FMN1: variants seen among roughly 807,000 people sequenced by gnomAD.
FMN1 encodes formin 1, also known as formin-1.
Under a neutral mutation model 132.4 loss-of-function variants are expected in FMN1, and 110 were observed. The ratio of observed to expected loss-of-function variants is 0.83; its 90% CI spans 0.71 to 0.97. The LOEUF is 0.97. Ranked by LOEUF, FMN1 falls within the 50% of genes least tolerant of loss-of-function variation. The probability of loss-of-function intolerance (pLI) is 0.00; values close to 1 mark genes in which losing one functional copy is unlikely to be tolerated. For synonymous variants in FMN1, 722 were observed against 651.7 expected (o/e 1.11, Z -1.64); for missense variants, 1,792 against 1,705.3 (o/e 1.05, Z -0.90).
intron 6 of FMN1, among the ~76,000 whole-genome samples, chr15:33,029,445 T>C (rs1005000539): frequency 2.0e-5 from 3 of 151,526 alleles, no homozygotes; most frequent in Admixed American, 1.3e-4. Flanking sequence ...ATAGCAGCTG[T>C]TGAGAGTCGC....
intron 18 of FMN1, among the ~76,000 whole-genome samples, chr15:32,799,666 T>C (rs1027198382): frequency 6.6e-5 from 10 of 152,172 alleles, no homozygotes; most frequent in African/African-American, 2.4e-4. Context: ...CAGTAAAGAA[T>C]CCCAATTTTC....
At chr15:32,796,693 A>G (rs2057301444) in intron 19 of FMN1, among the ~76,000 whole-genome samples, 3 of 152,346 alleles carry the variant, frequency 2.0e-5, no homozygotes, top group Middle Eastern at 3.4e-3. Context: ...TAAAATCTTT[A>G]GCAGACAGAG....
intron 8 of FMN1, among the ~76,000 whole-genome samples, chr15:32,966,045 G>T (rs566108382): frequency 6.6e-6 from 1 of 152,112 alleles, no homozygotes; most frequent in Non-Finnish European, 1.5e-5. Context: ...GTGAGCATGC[G>T]GCATGTTAAG....
rs547183683 is a variant in FMN1 at position 33,154,531 on chromosome 15, G to A, written c.384C>T (p.Pro128=). ...CAGCACTCTGGAAACAGTCATCCTC[G>A]GGGGCCAGGCTCACGGACAGCTCTT... The part of the protein sequence containing the change: ...KLQELSVSLA[P]EDDCFQSAGD... The change falls in exon 4 of 21, where the codon CCC becomes CCT. Residue 128 remains proline, a synonymous_variant. Transcript: ENST00000616417. 1,142 of 1,536,086 alleles carry A rather than the reference G, an allele frequency of 7.4e-4. 1 individual carries two copies. Among genetic ancestry groups the A allele is most frequent in the Non-Finnish European group, 8.9e-4 (1,020 of 1,146,898 alleles).
intron 4 of FMN1, among the ~76,000 whole-genome samples, chr15:33,101,812 G>A (rs1206252475): frequency 6.6e-6 from 1 of 151,998 alleles, no homozygotes; most frequent in Non-Finnish European, 1.5e-5. Flanking sequence ...TCTTTGGTTG[G>A]ATAGGGAGAC....
chr15:32,954,381 C>T (rs2140518612), intron 9 of FMN1, among the ~76,000 whole-genome samples: 1 of 152,302 alleles, frequency 6.6e-6, no homozygotes, highest in South Asian at 2.1e-4. Flanking sequence ...GTAATACCCT[C>T]ATCTATCTGC....
In FMN1 at chr15:33,153,186, C is replaced by T; in HGVS notation, c.1729G>A (p.Ala577Thr). 2 of 1,536,124 alleles carry T rather than the reference C, an allele frequency of 1.3e-6. No homozygotes were observed. ...GCTCCTTTGGTCTCCGTGACCTTTG[C>T]AGAGGATGGTGGCTCCAAGGTGTCA... ...SADTLEPPSS[A>T]KVTETKGASP... The change falls in exon 4 of 21, where the codon GCA becomes ACA. Residue 577 changes from alanine (A) to threonine (T), a missense_variant. Around this residue, in one of 3 missense-constraint regions of FMN1, gnomAD observed 1,150 missense variants for 1,043.1 expected, o/e 1.10. Coordinates refer to ENST00000616417, the MANE Select transcript of FMN1 (RefSeq NM_001277313.2).
At chr15:33,127,248 A>C (rs373206107) in intron 4 of FMN1, among the ~76,000 whole-genome samples, 1 of 152,178 alleles carries the variant, frequency 6.6e-6, no homozygotes, top group East Asian at 1.9e-4. Context: ...ATCACTACCT[A>C]ACCACAGATC....
At chr15:33,048,399 G>A (rs2036789986) in intron 6 of FMN1, among the ~76,000 whole-genome samples, 1 of 151,862 alleles carries the variant, frequency 6.6e-6, no homozygotes, top group Non-Finnish European at 1.5e-5. Context: ...TAATAAGACT[G>A]ATGTTTAGGA....
rs71776158 is a variant in FMN1 at position 32,849,668 on chromosome 15, A to ATT, written c.3928+7345_3928+7346dup. Among the ~76,000 whole-genome samples, 7 of 149,218 alleles carry ATT rather than the reference A, an allele frequency of 4.7e-5. No individual in the cohort carries two copies. The East Asian group carries it at 7.9e-4, about 17-fold the overall frequency. On this transcript the variant is annotated intron_variant, in intron 17 of 20. Transcript: ENST00000616417. Reference sequence around the variant, plus strand: ...GTGATAAAATAGCTTTCTTTTCTTTATTTTTTTTTTGGAGGAGTCTCACTG... The same window carrying ATT: ...GTGATAAAATAGCTTTCTTTTCTTTATTTTTTTTTTTTGGAGGAGTCTCACTG...
chr15:32,927,074 G>A (rs889391536), intron 9 of FMN1, among the ~76,000 whole-genome samples: 6 of 152,068 alleles, frequency 3.9e-5, no homozygotes, highest in African/African-American at 1.4e-4. Context: ...TGGGGTTACA[G>A]GCATTAGTCA....
At chr15:32,827,552 T>C (rs1170036636) in intron 17 of FMN1, among the ~76,000 whole-genome samples, 3 of 152,178 alleles carry the variant, frequency 2.0e-5, no homozygotes, top group Non-Finnish European at 4.4e-5. Flanking sequence ...AACGACCCAA[T>C]GAAGAAAGGA....
chr15:32,947,723 A>AT (rs1381588973), intron 9 of FMN1, among the ~76,000 whole-genome samples: 1 of 152,026 alleles, frequency 6.6e-6, no homozygotes, highest in African/African-American at 2.4e-5. Flanking sequence ...TGACTCGACC[A>AT]TATTTGCTTA....
chr15:33,189,989 G>A (rs765594555), intron 2 of FMN1, among the ~76,000 whole-genome samples: 6 of 152,180 alleles, frequency 3.9e-5, no homozygotes, highest in Non-Finnish European at 7.3e-5. Context: ...TTCGGTCAGT[G>A]AAGAGATCAA....
At chr15:33,091,899 T>A (rs1333107743) in intron 4 of FMN1, among the ~76,000 whole-genome samples, 2 of 152,194 alleles carry the variant, frequency 1.3e-5, no homozygotes, top group African/African-American at 4.8e-5. Context: ...TTTGGGGGTG[T>A]TAGATCTTTA....
Position 33,167,308 on chromosome 15 carries a change from G to A in FMN1, c.-131-12263C>T, listed in dbSNP as rs139314303. Among the ~76,000 whole-genome samples, 179 of 152,306 alleles carry A rather than the reference G, an allele frequency of 1.2e-3. 1 individual carries two copies. Among genetic ancestry groups the A allele is most frequent in the African/African-American group, 3.9e-3 (164 of 41,566 alleles). On this transcript the variant is annotated intron_variant, in intron 3 of 20. Transcript: ENST00000616417. ...ATGGAAGTTCCCCTGTACAAGGTCTGTTGCCTGCTACCATGTAAGATGTGC... is the reference window on the plus strand; with the variant it reads ...ATGGAAGTTCCCCTGTACAAGGTCTATTGCCTGCTACCATGTAAGATGTGC...
intron 7 of FMN1, among the ~76,000 whole-genome samples, chr15:32,980,000 A>C (rs2032524020): frequency 2.6e-5 from 4 of 152,212 alleles, no homozygotes. Flanking sequence ...GGGATTAGTC[A>C]CTTGAGAAAT....
intron 6 of FMN1, among the ~76,000 whole-genome samples, chr15:33,045,274 A>G (rs2036626181): frequency 6.6e-6 from 1 of 152,108 alleles, no homozygotes; most frequent in African/African-American, 2.4e-5. Flanking sequence ...CCCCATGCTC[A>G]CTTGTTTACA....
intron 6 of FMN1, among the ~76,000 whole-genome samples, chr15:33,050,792 A>G (rs1355219183): frequency 6.6e-6 from 1 of 152,246 alleles, no homozygotes; most frequent in South Asian, 2.1e-4. Context: ...GCAAACAGTG[A>G]AAGATTCTGA....
Sources: gnomAD v4.1 joint callset for allele counts (sites outside exome capture counted in the v4.1 genomes callset) on GRCh38, gnomAD v4.1.1 for gene constraint, gnomAD v4.1.1 regional missense constraint, MANE v1.5 for transcripts, NCBI Gene and HGNC (gene_info 2026-07-23, HGNC 2026-07-21) for gene names.